CTNND2: variants seen among roughly 807,000 people sequenced by gnomAD.
The protein encoded by CTNND2 is catenin delta 2.
CTNND2 carries 22 observed loss-of-function variants against 144.4 expected under a neutral mutation model. The ratio of observed to expected loss-of-function variants is 0.15; its 90% CI spans 0.11 to 0.22. The LOEUF is 0.22. Ranked by LOEUF, CTNND2 falls within the 10% of genes least tolerant of loss-of-function variation. The probability of loss-of-function intolerance (pLI) is 1.00; values close to 1 mark genes in which losing one functional copy is unlikely to be tolerated. For missense variants in CTNND2, 1,353 were observed against 1,618.8 expected (o/e 0.84, Z 2.82); for synonymous variants, 751 against 695.6 (o/e 1.08, Z -1.25).
chr5:11,829,769 G>A (rs747958630), intron 1 of CTNND2, among the ~76,000 whole-genome samples: 2 of 152,194 alleles, frequency 1.3e-5, no homozygotes. Context: ...GGAGCTGTGA[G>A]AAGAGGGCCA....
chr5:11,518,439 A>G (rs890092394), intron 3 of CTNND2, among the ~76,000 whole-genome samples: 1 of 152,206 alleles, frequency 6.6e-6, no homozygotes, highest in Admixed American at 6.5e-5. Flanking sequence ...AGTAAGGTTA[A>G]TTTATTATTG....
chr5:11,673,969 T>G (rs1022074195), intron 2 of CTNND2, among the ~76,000 whole-genome samples: 1 of 152,156 alleles, frequency 6.6e-6, no homozygotes, highest in African/African-American at 2.4e-5. Flanking sequence ...CCTGGGTATA[T>G]TCAACCTCAG....
At chr5:11,517,632 G>A (rs954530057) in intron 3 of CTNND2, among the ~76,000 whole-genome samples, 7 of 151,540 alleles carry the variant, frequency 4.6e-5, no homozygotes, top group Non-Finnish European at 7.4e-5. Flanking sequence ...GGGTGTAGGG[G>A]GCAAGGGGAG....
At chr5:11,638,031 T>A (rs1183939298) in intron 2 of CTNND2, among the ~76,000 whole-genome samples, 2 of 152,228 alleles carry the variant, frequency 1.3e-5, no homozygotes, top group African/African-American at 2.4e-5. Flanking sequence ...CTCTCTTTTT[T>A]CATCACGTAA....
At chr5:11,695,151 C>A (rs139905690) in intron 2 of CTNND2, among the ~76,000 whole-genome samples, 1 of 152,242 alleles carries the variant, frequency 6.6e-6, no homozygotes, top group Non-Finnish European at 1.5e-5. Flanking sequence ...ATAAAAAGGT[C>A]AGACCAGGAA....
At chr5:11,167,919 A>G (rs1759508271) in intron 11 of CTNND2, among the ~76,000 whole-genome samples, 1 of 148,930 alleles carries the variant, frequency 6.7e-6, no homozygotes, top group African/African-American at 2.5e-5. Flanking sequence ...TTGTTCAGCC[A>G]GGTCTAGAAT....
chr5:11,509,520 G>C (rs1488577710), intron 3 of CTNND2, among the ~76,000 whole-genome samples: 2 of 152,154 alleles, frequency 1.3e-5, no homozygotes, highest in African/African-American at 4.8e-5. Context: ...GGGTTAAAGA[G>C]CGGATCACAT....
chr5:11,631,096 T>A (rs554274118), intron 2 of CTNND2, among the ~76,000 whole-genome samples: 49 of 152,338 alleles, frequency 3.2e-4, no homozygotes, highest in South Asian at 6.2e-4. Flanking sequence ...CCCTTAGGAT[T>A]TTCCTTAGTG....
At chr5:11,554,174 A>T (rs2530906) in intron 3 of CTNND2, among the ~76,000 whole-genome samples, 138,078 of 152,224 alleles carry the variant, frequency 0.91, 62,726 homozygotes, top group African/African-American at 0.94. Context: ...TATGAAGGTA[A>T]TTATACTAAT....
At chr5:11,081,086 A>ACACACACACACACTCT (rs1554039102) in intron 16 of CTNND2, among the ~76,000 whole-genome samples, 3 of 148,396 alleles carry the variant, frequency 2.0e-5, no homozygotes, top group Non-Finnish European at 4.5e-5. Context: ...ACACACACAC[A>ACACACACACACACTCT]CACACACACA....
intron 1 of CTNND2, among the ~76,000 whole-genome samples, chr5:11,879,934 A>T (rs1451903038): frequency 6.6e-6 from 1 of 152,062 alleles, no homozygotes; most frequent in Non-Finnish European, 1.5e-5. Flanking sequence ...CATACGACTC[A>T]ATTTTCCAGG....
intron 1 of CTNND2, among the ~76,000 whole-genome samples, chr5:11,885,143 G>A (rs1273413977): frequency 6.6e-6 from 1 of 152,060 alleles, no homozygotes; most frequent in South Asian, 2.1e-4. Flanking sequence ...CTGTTTCCTT[G>A]TCTGGTTTTG....
chr5:11,065,298 A>T (rs1318407763), intron 16 of CTNND2, among the ~76,000 whole-genome samples: 1 of 152,250 alleles, frequency 6.6e-6, no homozygotes, highest in African/African-American at 2.4e-5. Flanking sequence ...TTCTTTTGGA[A>T]ACTGTACTTA....
chr5:11,719,826 T>G (rs950906340), intron 2 of CTNND2, among the ~76,000 whole-genome samples: 1 of 128,468 alleles, frequency 7.8e-6, no homozygotes, highest in Non-Finnish European at 1.6e-5. Context: ...TGGGTAGCTC[T>G]GACATATACA....
chr5:11,803,754 A>G (rs184217536), intron 1 of CTNND2, among the ~76,000 whole-genome samples: 1 of 152,218 alleles, frequency 6.6e-6, no homozygotes, highest in Admixed American at 6.5e-5. Context: ...AGATCCTACG[A>G]CCCATTGAAT....
chr5:11,709,013 T>G (rs892610820), intron 2 of CTNND2, among the ~76,000 whole-genome samples: 6 of 152,214 alleles, frequency 3.9e-5, no homozygotes, highest in Non-Finnish European at 7.3e-5. Flanking sequence ...ATGAACTTTC[T>G]TACCAGGGAA....
chr5:11,768,477 G>A (rs1031712617), intron 1 of CTNND2, among the ~76,000 whole-genome samples: 1 of 152,130 alleles, frequency 6.6e-6, no homozygotes, highest in Non-Finnish European at 1.5e-5. Flanking sequence ...TTTCAGTAGA[G>A]ACGGGTTTTC....
intron 1 of CTNND2, among the ~76,000 whole-genome samples, chr5:11,856,337 T>C (rs1795249193): frequency 6.6e-6 from 1 of 152,196 alleles, no homozygotes; most frequent in Admixed American, 6.5e-5. Context: ...GAAGGGATGC[T>C]GTGGAAGGGG....
At chr5:11,824,490 T>C (rs994494225) in intron 1 of CTNND2, among the ~76,000 whole-genome samples, 1 of 152,120 alleles carries the variant, frequency 6.6e-6, no homozygotes, top group Non-Finnish European at 1.5e-5. Context: ...AGCAGGAAAC[T>C]ATCCACTGCT....
Sources: gnomAD v4.1 joint callset for allele counts (sites outside exome capture counted in the v4.1 genomes callset) on GRCh38, gnomAD v4.1.1 for gene constraint, MANE v1.5 for transcripts, NCBI Gene and HGNC (gene_info 2026-07-23, HGNC 2026-07-21) for gene names.